PCSK6: variants seen among roughly 807,000 people sequenced by gnomAD.
PCSK6 encodes proprotein convertase subtilisin/kexin type 6, also known as paired basic amino acid cleaving enzyme 4.
Under a neutral mutation model 123.3 loss-of-function variants are expected in PCSK6, and 85 were observed. The observed-to-expected ratio is 0.69, with a 90% confidence interval of 0.58 to 0.83. The LOEUF is 0.83. Ranked by LOEUF, PCSK6 falls within the 40% of genes least tolerant of loss-of-function variation. The pLI, the probability that PCSK6 is intolerant of heterozygous loss-of-function variation, is 0.00. For missense variants in PCSK6, 1,191 were observed against 1,282.3 expected, an observed-to-expected ratio of 0.93 and a Z score of 1.09; for synonymous variants, 508 against 516.0, an observed-to-expected ratio of 0.98 and a Z score of 0.21.
At chr15:101,386,154 C>A (rs560342370) in intron 9 of PCSK6, among the ~76,000 whole-genome samples, 1 of 152,066 alleles carries the variant, frequency 6.6e-6, no homozygotes, top group Non-Finnish European at 1.5e-5. Flanking sequence ...TAGGAACGCA[C>A]GCCGCGCCAC....
intron 1 of PCSK6, among the ~76,000 whole-genome samples, chr15:101,477,320 T>A (rs1374720382): frequency 6.6e-6 from 1 of 152,118 alleles, no homozygotes; most frequent in African/African-American, 2.4e-5. Context: ...AACCTGAAAA[T>A]CTAAAATACT....
intron 2 of PCSK6, among the ~76,000 whole-genome samples, chr15:101,442,504 G>C (rs2141149925): frequency 6.6e-6 from 1 of 152,198 alleles, no homozygotes; most frequent in Admixed American, 6.5e-5. Context: ...ACAGAGCCCA[G>C]AGATAACGCG....
intron 1 of PCSK6, among the ~76,000 whole-genome samples, chr15:101,475,131 T>C (rs1057035639): frequency 6.6e-6 from 1 of 152,190 alleles, no homozygotes; most frequent in Non-Finnish European, 1.5e-5. Flanking sequence ...CTAAAACATT[T>C]GGACTCCGCC....
Position 101,359,296 on chromosome 15 carries a change from T to C in PCSK6, c.1858+6900A>G, listed in dbSNP as rs188580900. On this transcript the variant is annotated intron_variant, in intron 13 of 21. Coordinates refer to ENST00000611716, the MANE Select transcript of PCSK6 (RefSeq NM_002570.5). ...GAGCTGGAAGGTACCACAAGGTGTT[T>C]ATTCTGCACCCGTCTCAACCTTCTG... is the stretch of plus-strand genomic sequence containing the variant. Among the ~76,000 whole-genome samples the C allele has an allele frequency of 2.5e-3, 383 of 152,322 alleles. 3 individuals are homozygous for C. Among genetic ancestry groups the C allele is most frequent in the African/African-American group, 9.0e-3 (375 of 41,578 alleles).
chr15:101,366,346 T>C lies in PCSK6; in HGVS notation c.1722-14A>G. On this transcript the variant is annotated splice_polypyrimidine_tract_variant and intron_variant, in intron 12 of 21. Coordinates refer to ENST00000611716, the MANE Select transcript of PCSK6 (RefSeq NM_002570.5). ...AGATCCAGCAACCTGCAATTGGAGG[T>C]GTGGTGTCAGAAATGAAGGTGCTGG... 6.2e-7 allele frequency: 1 copy of C among 1,607,730 alleles called. No homozygotes were observed. Among genetic ancestry groups the C allele is most frequent in the Non-Finnish European group, 8.5e-7 (1 of 1,177,202 alleles).
At chr15:101,453,668 T>C (rs1030010341) in intron 1 of PCSK6, among the ~76,000 whole-genome samples, 2 of 152,352 alleles carry the variant, frequency 1.3e-5, no homozygotes, top group South Asian at 2.1e-4. Context: ...GCCTGCAGGC[T>C]ACAGGCAGCC....
chr15:101,431,435 C>A lies in PCSK6; in HGVS notation c.542G>T (p.Arg181Leu). ...CGCTGCCTGGACATTCATTTCCGAC[C>A]GGCAGCGACTGTTCTTGTCGCCACA... The part of the protein sequence containing the change: ...LHCGDKNSRC[R>L]SEMNVQAAWK... Residue 181 changes from arginine (R) to leucine (L), a missense_variant, in exon 4 of 22, where the codon CGG becomes CTG. Coordinates refer to ENST00000611716, the MANE Select transcript of PCSK6 (RefSeq NM_002570.5). 6.2e-7 allele frequency: 1 copy of A among 1,613,754 alleles called. No individual in the cohort carries two copies. The highest frequency in any genetic ancestry group is 8.5e-7 in the Non-Finnish European group (1 of 1,179,808).
At chr15:101,329,090 T>C (rs756616019) in intron 15 of PCSK6, among the ~76,000 whole-genome samples, 7 of 152,074 alleles carry the variant, frequency 4.6e-5, no homozygotes, top group East Asian at 1.9e-4. Context: ...CTAGCAGGGG[T>C]CTCTTCATAC....
intron 2 of PCSK6, among the ~76,000 whole-genome samples, chr15:101,434,122 C>T (rs933739525): frequency 2.0e-5 from 3 of 152,200 alleles, no homozygotes; most frequent in Admixed American, 2.0e-4. Flanking sequence ...GCAATGTCCC[C>T]ATATATTACT....
At chr15:101,316,541 G>A (rs537788518) in intron 19 of PCSK6, among the ~76,000 whole-genome samples, 17 of 152,334 alleles carry the variant, frequency 1.1e-4, no homozygotes, top group Admixed American at 3.3e-4. Flanking sequence ...ATCCATCTGG[G>A]CTAAATAAGT....
chr15:101,363,135 T>C (rs962522358), intron 13 of PCSK6, among the ~76,000 whole-genome samples: 1 of 152,088 alleles, frequency 6.6e-6, no homozygotes, highest in Non-Finnish European at 1.5e-5. Context: ...AGTGCACGCA[T>C]GTTGGCCTAA....
At position 101,320,730 on chromosome 15, in the gene PCSK6, C is replaced by T. The variant is rs536424314; in HGVS notation, c.2465+1790G>A. On this transcript the variant is annotated intron_variant, in intron 18 of 21. Transcript: ENST00000611716. ...CCCTGAAGAGATGGAGGGCCAGAGG[C>T]GGCGGCTCGGCTGCTCTCTTGCTGC... 1.3e-4 allele frequency among the ~76,000 whole-genome samples: 20 copies of T among 152,278 alleles called. No individual in the cohort carries two copies. The East Asian group carries it at 3.1e-3, about 24-fold the overall frequency.
At position 101,462,825 on chromosome 15, in the gene PCSK6, G is replaced by T. The variant is rs377045916; in HGVS notation, c.298-19165C>A. 6.0e-3 allele frequency among the ~76,000 whole-genome samples: 921 copies of T among 152,312 alleles called. 9 individuals carry two copies. The highest frequency in any genetic ancestry group is 0.02 in the African/African-American group (835 of 41,568). On this transcript the variant is annotated intron_variant, in intron 1 of 21. Coordinates refer to ENST00000611716, the MANE Select transcript of PCSK6 (RefSeq NM_002570.5). ...GTAGGAGGACGTCTGAGAGTGGGTT[G>T]GATATCTTCTGTTTGTCCCTCTAAA...
intron 4 of PCSK6, 46 bp downstream of exon 4, chr15:101,431,274 A>T: frequency 6.2e-7 from 1 of 1,602,520 alleles, no homozygotes; most frequent in Non-Finnish European, 8.5e-7. Flanking sequence ...CTTAATGACC[A>T]GCACAGTTGA....
intron 1 of PCSK6, among the ~76,000 whole-genome samples, chr15:101,469,661 C>T (rs1252523716): frequency 6.6e-6 from 1 of 152,128 alleles, no homozygotes; most frequent in Non-Finnish European, 1.5e-5. Flanking sequence ...CGGCTAGAGC[C>T]GGGTGCCTCG....
chr15:101,442,537 A>G (rs990082549), intron 2 of PCSK6, among the ~76,000 whole-genome samples: 1 of 152,198 alleles, frequency 6.6e-6, no homozygotes, highest in East Asian at 1.9e-4. Context: ...ATCCCTGCTC[A>G]GTCAATACAA....
intron 1 of PCSK6, among the ~76,000 whole-genome samples, chr15:101,482,240 C>T (rs2057907589): frequency 6.6e-6 from 1 of 152,230 alleles, no homozygotes; most frequent in South Asian, 2.1e-4. Flanking sequence ...GGGTCTAAGG[C>T]CTCATCACCA....
At chr15:101,437,986 C>A (rs371659347) in intron 2 of PCSK6, among the ~76,000 whole-genome samples, 2 of 152,290 alleles carry the variant, frequency 1.3e-5, no homozygotes, top group South Asian at 4.2e-4. Context: ...TCCAATCTGG[C>A]CAGTGTCCCA....
chr15:101,320,446 GA>G (rs34151548), intron 18 of PCSK6, among the ~76,000 whole-genome samples: 2 of 152,266 alleles, frequency 1.3e-5, no homozygotes, highest in South Asian at 4.1e-4. Flanking sequence ...GGTGTGTGGG[GA>G]AAAACCCACA....
Sources: gnomAD v4.1 joint callset for allele counts (sites outside exome capture counted in the v4.1 genomes callset) on GRCh38, gnomAD v4.1.1 for gene constraint, MANE v1.5 for transcripts, NCBI Gene and HGNC (gene_info 2026-07-23, HGNC 2026-07-21) for gene names.